The following CA10 variants were observed in gnomAD, a reference collection of about 807,000 sequenced individuals.
CA10 encodes the protein carbonic anhydrase-related protein 10.
In CA10, 14 loss-of-function variants were observed where a neutral mutation model predicts 44.2. The observed-to-expected ratio is 0.32, with a 90% CI of 0.21 to 0.50. The LOEUF is 0.50. CA10 is among the 20% of genes least tolerant of loss of function. The pLI is 0.99. For synonymous variants in CA10, 159 were observed against 141.6 expected (o/e 1.12, Z -0.87); for missense variants, 350 against 409.7 (o/e 0.85, Z 1.26).
At chr17:52,003,033 G>A (rs368019444) in intron 2 of CA10, among the ~76,000 whole-genome samples, 1 of 151,914 alleles carries the variant, frequency 6.6e-6, no homozygotes, top group South Asian at 2.1e-4. Flanking sequence ...CAGGAATGAG[G>A]TTTGCTGTCT....
At position 51,741,468 on chromosome 17, in the gene CA10, C is replaced by T. The variant is rs1323877008; in HGVS notation, c.465+6165G>A. ...TAATGGAATTTAATGCTTTGGGTAGCCTTCATATAAACACTCCATCTTCAA... is the reference window on the plus strand; with the variant it reads ...TAATGGAATTTAATGCTTTGGGTAGTCTTCATATAAACACTCCATCTTCAA... On this transcript the variant is annotated intron_variant, in intron 4 of 8. Transcript: ENST00000451037. 3.9e-5 allele frequency among the ~76,000 whole-genome samples: 6 copies of T among 152,098 alleles called. No individual in the cohort carries two copies. The South Asian group carries it at 1.2e-3, about 32-fold the overall frequency.
Position 52,156,958 on chromosome 17 carries a change from T to A in CA10, c.61+768A>T, listed in dbSNP as rs1989815998. Among the ~76,000 whole-genome samples, 4 of 152,162 alleles carry A rather than the reference T, an allele frequency of 2.6e-5. No individual in the cohort carries two copies. In the South Asian group the frequency reaches 8.3e-4, roughly 32 times the overall value. On this transcript the variant is annotated intron_variant, in intron 1 of 8. Transcript: ENST00000451037. ...GACAGTGCTCAAAAACCAGAACTCGTCCTAACACACTCAGGCACAGGTGTC... is the reference window on the plus strand; with the variant it reads ...GACAGTGCTCAAAAACCAGAACTCGACCTAACACACTCAGGCACAGGTGTC...
At chr17:51,751,828 C>T (rs2143615628) in intron 3 of CA10, among the ~76,000 whole-genome samples, 1 of 152,294 alleles carries the variant, frequency 6.6e-6, no homozygotes, top group South Asian at 2.1e-4. Flanking sequence ...TTCGATCTCA[C>T]TTCCAGACCC....
intron 4 of CA10, among the ~76,000 whole-genome samples, chr17:51,736,313 C>T (rs1421027260): frequency 1.3e-5 from 2 of 152,110 alleles, no homozygotes; most frequent in South Asian, 4.1e-4. Flanking sequence ...ACACATTAGC[C>T]CTAGAGAGGC....
intron 2 of CA10, among the ~76,000 whole-genome samples, chr17:52,028,447 C>G (rs1332851014): frequency 3.3e-5 from 5 of 152,134 alleles, no homozygotes; most frequent in Admixed American, 6.6e-5. Context: ...TGCTTTGTGG[C>G]ATTTCAGTGA....
intron 3 of CA10, among the ~76,000 whole-genome samples, chr17:51,754,047 T>G (rs1489324494): frequency 2.0e-5 from 3 of 152,090 alleles, no homozygotes; most frequent in Admixed American, 2.0e-4. Context: ...TTTCACCATG[T>G]TGGCCAGGCT....
intron 6 of CA10, among the ~76,000 whole-genome samples, chr17:51,647,181 G>A (rs752013348): frequency 6.6e-5 from 10 of 152,040 alleles, no homozygotes; most frequent in African/African-American, 9.7e-5. Flanking sequence ...CTCAAGATCC[G>A]GCTCCAGAAC....
At chr17:52,047,887 G>T (rs928281185) in intron 2 of CA10, among the ~76,000 whole-genome samples, 9 of 151,628 alleles carry the variant, frequency 5.9e-5, no homozygotes, top group Non-Finnish European at 1.0e-4. Flanking sequence ...ATTCCAGTTA[G>T]AAAATATGTT....
intron 1 of CA10, among the ~76,000 whole-genome samples, chr17:52,106,644 A>C (rs546023280): frequency 6.6e-6 from 1 of 152,236 alleles, no homozygotes. Flanking sequence ...GTAACAGGCT[A>C]TGCTACAACT....
intron 3 of CA10, among the ~76,000 whole-genome samples, chr17:51,773,507 A>G (rs994809572): frequency 6.6e-6 from 1 of 152,216 alleles, no homozygotes; most frequent in African/African-American, 2.4e-5. Context: ...CTGCAGGATT[A>G]TCATCATGGA....
chr17:52,131,154 C>T (rs1002731045), intron 1 of CA10, among the ~76,000 whole-genome samples: 1 of 150,792 alleles, frequency 6.6e-6, no homozygotes, highest in African/African-American at 2.4e-5. Flanking sequence ...GGCATTACCC[C>T]AAAGTTCCCC....
At chr17:51,828,360 C>G (rs938112919) in intron 3 of CA10, among the ~76,000 whole-genome samples, 1 of 152,172 alleles carries the variant, frequency 6.6e-6, no homozygotes, top group Non-Finnish European at 1.5e-5. Context: ...ATTCTTCCTG[C>G]TCCTGTGCAC....
chr17:51,913,846 C>T (rs867666736), intron 3 of CA10, among the ~76,000 whole-genome samples: 3 of 152,130 alleles, frequency 2.0e-5, no homozygotes. Context: ...AACTGAGGGT[C>T]ACCCTTGAAT....
intron 2 of CA10, among the ~76,000 whole-genome samples, chr17:51,955,226 C>CT (rs574813066): frequency 6.2e-4 from 95 of 152,180 alleles, no homozygotes; most frequent in African/African-American, 1.8e-3. Flanking sequence ...AAGTGGTCAC[C>CT]TTTTTTTATC....
At chr17:51,782,457 A>G (rs1282873362) in intron 3 of CA10, among the ~76,000 whole-genome samples, 2 of 152,338 alleles carry the variant, frequency 1.3e-5, no homozygotes, top group Middle Eastern at 3.4e-3. Flanking sequence ...TCAAAATGAA[A>G]TGAAGGCCCA....
chr17:52,052,247 G>A (rs376058702), intron 2 of CA10, among the ~76,000 whole-genome samples: 1 of 149,964 alleles, frequency 6.7e-6, no homozygotes, highest in African/African-American at 2.5e-5. Context: ...AGTTTACCTA[G>A]GTAACAAACA....
intron 3 of CA10, among the ~76,000 whole-genome samples, chr17:51,912,409 G>A (rs1981825842): frequency 6.6e-6 from 1 of 152,058 alleles, no homozygotes; most frequent in South Asian, 2.1e-4. Context: ...TGCATTCCTT[G>A]TTTTCATGCA....
At chr17:51,966,477 C>A (rs1258397799) in intron 2 of CA10, among the ~76,000 whole-genome samples, 1 of 151,842 alleles carries the variant, frequency 6.6e-6, no homozygotes, top group Non-Finnish European at 1.5e-5. Context: ...CCTACAGTAA[C>A]CAAAACAGCA....
chr17:52,024,765 C>G (rs1043376786), intron 2 of CA10, among the ~76,000 whole-genome samples: 1 of 151,908 alleles, frequency 6.6e-6, no homozygotes, highest in Non-Finnish European at 1.5e-5. Flanking sequence ...CTGGTAATGA[C>G]TGTAAATAAT....
Sources: allele counts gnomAD v4.1 joint callset (sites outside exome capture counted in the v4.1 genomes callset), GRCh38; gene constraint gnomAD v4.1.1; transcripts MANE v1.5; gene names NCBI Gene and HGNC (gene_info 2026-07-23, HGNC 2026-07-21).